ACACB: variants seen among roughly 807,000 people sequenced by gnomAD.
ACACB encodes acetyl-CoA carboxylase 2.
Under a neutral mutation model 278.8 loss-of-function variants are expected in ACACB, and 209 were observed. The ratio of observed to expected loss-of-function variants is 0.75; its 90% CI spans 0.67 to 0.84. ACACB has a LOEUF of 0.84. ACACB is among the 40% of genes least tolerant of loss of function. ACACB has a pLI of 0.00. For missense variants in ACACB, 2,850 were observed against 3,269.0 expected (o/e 0.87, Z 3.13); for synonymous variants, 1,174 against 1,285.6 (o/e 0.91, Z 1.86).
At chr12:109,179,849 T>C (rs1239068942) in intron 10 of ACACB, 68 bp from the exon 11 acceptor site, 27 of 1,506,054 alleles carry the variant, frequency 1.8e-5, no homozygotes, top group Non-Finnish European at 3.6e-6. Context: ...AAGGAACTGA[T>C]AGTCACCATT....
chr12:109,180,207 A>G (rs1391881285), intron 11 of ACACB, 120 bp downstream of exon 11: 4 of 1,004,126 alleles, frequency 4.0e-6, no homozygotes, highest in Non-Finnish European at 5.8e-6. Flanking sequence ...ATGACTGGCC[A>G]AAGAGCACTT....
chr12:109,205,890 A>T (rs2268387), intron 19 of ACACB, among the ~76,000 whole-genome samples: 1 of 151,978 alleles, frequency 6.6e-6, no homozygotes, highest in Non-Finnish European at 1.5e-5. Context: ...CGTCATGCAC[A>T]GTAGGTATTT....
At chr12:109,178,944 A>C in intron 9 of ACACB, 144 bp from the exon 10 acceptor site, 1 of 790,396 alleles carries the variant, frequency 1.3e-6, no homozygotes, top group Non-Finnish European at 2.0e-6. Flanking sequence ...TCTGTGAGAC[A>C]ACAAAAGTAA....
chr12:109,181,172 G>A (rs967848549), intron 11 of ACACB, among the ~76,000 whole-genome samples: 4 of 148,976 alleles, frequency 2.7e-5, no homozygotes, highest in Non-Finnish European at 5.9e-5. Flanking sequence ...TCTTTTTTAT[G>A]TCTGAATAGT....
rs748417042 is a variant in ACACB at position 109,256,153 on chromosome 12, G to A, written c.6180G>A (p.Thr2060=). The stretch of plus-strand genomic sequence containing the variant: ...TTCTGTCCACAGCTCTGAAGGGAAC[G>A]TGGCAGAGCGGATTCTTTGACCACG... The part of the protein sequence containing the change: ...AGRPHPTLKG[T]WQSGFFDHGS... The change falls in exon 45 of 53, where the codon ACG becomes ACA. Residue 2060 remains threonine (T), a synonymous_variant. Coordinates refer to ENST00000338432, the MANE Select transcript of ACACB (RefSeq NM_001093.4). 5.8e-5 allele frequency: 94 copies of A among 1,613,748 alleles called. No individual in the cohort carries two copies. Among genetic ancestry groups the A allele is most frequent in the Middle Eastern group, 3.3e-4 (2 of 6,084 alleles).
chr12:109,186,905 C>T (rs1283469270), intron 12 of ACACB, among the ~76,000 whole-genome samples: 1 of 152,120 alleles, frequency 6.6e-6, no homozygotes, highest in African/African-American at 2.4e-5. Context: ...TACCTCTCCC[C>T]AAATCCTTCA....
chr12:109,162,823 G>C (rs577689557), intron 2 of ACACB, among the ~76,000 whole-genome samples: 1 of 152,242 alleles, frequency 6.6e-6, no homozygotes, highest in South Asian at 2.1e-4. Context: ...CCTACATTGA[G>C]CTCAGGGTCA....
rs2047112050 is a variant in ACACB, at chr12:109,252,134, C to T, written c.5879C>T (p.Thr1960Ile). 6.2e-7 allele frequency: 1 copy of T among 1,612,470 alleles called. No homozygotes were observed. The highest frequency in any genetic ancestry group is 1.1e-5 in the South Asian group (1 of 90,612). The change falls in exon 42 of 53, where the codon ACA (threonine) becomes ATA (isoleucine). Residue 1960 changes from threonine (T) to isoleucine (I), a missense_variant. Around this residue, in one of 3 missense-constraint regions of ACACB, gnomAD observed 579 missense variants for 684.6 expected, o/e 0.85. Coordinates refer to ENST00000338432, the MANE Select transcript of ACACB (RefSeq NM_001093.4). Reference protein sequence around the residue: ...IQVENSHIILTGASALNKVLG... With the variant: ...IQVENSHIILIGASALNKVLG... Reference sequence around the variant, plus strand: ...GTGGAGAATTCCCACATCATCCTCACAGGAGCAAGTGCTCTCAACAAGGTG... The same window carrying T: ...GTGGAGAATTCCCACATCATCCTCATAGGAGCAAGTGCTCTCAACAAGGTG...
At chr12:109,139,260 G>A (rs2043040756) in intron 1 of ACACB, 137 bp from the exon 2 acceptor site, 1 of 780,332 alleles carries the variant, frequency 1.3e-6, no homozygotes, top group Non-Finnish European at 2.0e-6. Context: ...GAGCAGGGAG[G>A]AGAACCCCAT....
At chr12:109,156,360 A>G (rs1489852701) in intron 2 of ACACB, among the ~76,000 whole-genome samples, 1 of 151,870 alleles carries the variant, frequency 6.6e-6, no homozygotes, top group Non-Finnish European at 1.5e-5. Flanking sequence ...TGAGACCCCC[A>G]TCTCTACTTA....
At chr12:109,138,490 A>G (rs540486845) in intron 1 of ACACB, among the ~76,000 whole-genome samples, 1 of 152,218 alleles carries the variant, frequency 6.6e-6, no homozygotes, top group South Asian at 2.1e-4. Context: ...ACTATATGAT[A>G]ATAATACTAG....
At position 109,241,209 on chromosome 12, in the gene ACACB, C is replaced by G. The variant is rs1255471859; in HGVS notation, c.4950C>G (p.Phe1650Leu). ...TTGSAVPIRL[F>L]ITNESGYYLD... ...GCAGTGCCGTTCCCATCCGCCTGTT[C>G]ATCACCAATGAGTCGGGCTACTACC... Residue 1650 changes from phenylalanine (F) to leucine (L), a missense_variant, in exon 36 of 53, where the codon TTC becomes TTG. Transcript: ENST00000338432. 1 of 1,614,224 alleles carries G rather than the reference C, an allele frequency of 6.2e-7. No homozygotes were observed. Among genetic ancestry groups the G allele is most frequent in the Admixed American group, 1.7e-5 (1 of 60,030 alleles).
At chr12:109,133,863 A>ATATTTTT (rs55881936) in intron 1 of ACACB, among the ~76,000 whole-genome samples, 3 of 70,654 alleles carry the variant, frequency 4.2e-5, no homozygotes, top group Non-Finnish European at 5.0e-5. Context: ...ATATATATAT[A>ATATTTTT]TTTTTTTTTT....
chr12:109,167,380 G>A (rs1195364386), intron 3 of ACACB: 2 of 162,840 alleles, frequency 1.2e-5, no homozygotes, highest in Admixed American at 1.2e-4. Flanking sequence ...CCCAGCCTGG[G>A]TTTGTGTTCA....
chr12:109,211,024 G>A (rs970019081), intron 21 of ACACB, among the ~76,000 whole-genome samples: 1 of 146,758 alleles, frequency 6.8e-6, no homozygotes, highest in African/African-American at 2.8e-5. Flanking sequence ...GCCTCGCGTT[G>A]TTCATTTTGT....
chr12:109,245,547 C>G (rs2046916193), intron 37 of ACACB, 79 bp from the exon 38 acceptor site: 1 of 1,475,032 alleles, frequency 6.8e-7, no homozygotes, highest in South Asian at 1.3e-5. Context: ...GGAATCATGA[C>G]AGATCATCTC....
intron 2 of ACACB, among the ~76,000 whole-genome samples, chr12:109,150,979 T>C (rs1225499111): frequency 7.7e-6 from 1 of 129,504 alleles, no homozygotes. Flanking sequence ...TTCTTTTTTC[T>C]TTCTTTTTTT....
intron 21 of ACACB, among the ~76,000 whole-genome samples, chr12:109,209,738 T>C (rs906466977): frequency 1.3e-4 from 20 of 150,982 alleles, no homozygotes; most frequent in South Asian, 2.1e-4. Context: ...CCCCTGGATT[T>C]TGTAGGTGAT....
intron 2 of ACACB, among the ~76,000 whole-genome samples, chr12:109,144,348 T>C (rs1008750845): frequency 2.6e-5 from 4 of 152,074 alleles, no homozygotes; most frequent in Admixed American, 2.6e-4. Context: ...AGGCTGAGCA[T>C]TTTATTATCT....
Sources: gnomAD v4.1 joint callset for allele counts (sites outside exome capture counted in the v4.1 genomes callset) on GRCh38, gnomAD v4.1.1 for gene constraint, gnomAD v4.1.1 regional missense constraint, MANE v1.5 for transcripts, NCBI Gene and HGNC (gene_info 2026-07-23, HGNC 2026-07-21) for gene names.